The following MSRA variants were observed in gnomAD, a reference collection of about 807,000 sequenced individuals.
The protein encoded by MSRA is methionine sulfoxide reductase A, also known as mitochondrial peptide methionine sulfoxide reductase.
MSRA carries 54 observed loss-of-function variants against 31.3 expected under a neutral mutation model. That is an observed-to-expected ratio of 1.73 (90% CI 1.39 to 2.17). The LOEUF is 2.17. Ranked by LOEUF, MSRA falls within the 30% of genes most tolerant of loss-of-function variation. MSRA has a pLI of 0.00. For missense variants in MSRA, 507 were observed against 300.9 expected (o/e 1.69, Z -5.07); for synonymous variants, 169 against 116.5 (o/e 1.45, Z -2.90).
intron 1 of MSRA, among the ~76,000 whole-genome samples, chr8:10,057,961 A>T (rs1196427558): frequency 6.6e-6 from 1 of 152,228 alleles, no homozygotes; most frequent in Non-Finnish European, 1.5e-5. Context: ...TATTGGAAAC[A>T]TTGCTAATCT....
intron 3 of MSRA, among the ~76,000 whole-genome samples, chr8:10,267,084 G>T (rs1798785138): frequency 6.6e-6 from 1 of 152,124 alleles, no homozygotes; most frequent in African/African-American, 2.4e-5. Context: ...CCCCTTTAAT[G>T]CGAACCAACA....
intron 3 of MSRA, among the ~76,000 whole-genome samples, chr8:10,266,912 A>C (rs868722728): frequency 3.3e-5 from 5 of 152,204 alleles, no homozygotes; most frequent in Non-Finnish European, 7.4e-5. Flanking sequence ...TCACTCAATA[A>C]ACCCCTAAAG....
At chr8:10,298,407 C>A (rs1800658117) in intron 3 of MSRA, among the ~76,000 whole-genome samples, 1 of 151,966 alleles carries the variant, frequency 6.6e-6, no homozygotes, top group African/African-American at 2.4e-5. Flanking sequence ...TATAGGAAGT[C>A]CCTAGAGAAG....
chr8:10,224,259 G>A (rs1375392846), intron 2 of MSRA, among the ~76,000 whole-genome samples: 2 of 152,058 alleles, frequency 1.3e-5, no homozygotes, highest in African/African-American at 2.4e-5. Flanking sequence ...TTTTACAAAG[G>A]GCGTGAAGAA....
At chr8:10,295,877 G>A (rs1800512977) in intron 3 of MSRA, among the ~76,000 whole-genome samples, 1 of 152,230 alleles carries the variant, frequency 6.6e-6, no homozygotes, top group African/African-American at 2.4e-5. Flanking sequence ...GATGGGAAAC[G>A]GCCTCTCCAG....
At chr8:10,115,574 A>T (rs1800617013) in intron 1 of MSRA, among the ~76,000 whole-genome samples, 1 of 152,214 alleles carries the variant, frequency 6.6e-6, no homozygotes, top group Non-Finnish European at 1.5e-5. Flanking sequence ...CCTAGGGAAC[A>T]ATGCAGTGAC....
At chr8:10,208,885 C>T (rs981235379) in intron 2 of MSRA, among the ~76,000 whole-genome samples, 8 of 152,200 alleles carry the variant, frequency 5.3e-5, no homozygotes, top group African/African-American at 1.7e-4. Flanking sequence ...ACTTGAATTG[C>T]GTTTGAACTG....
intron 2 of MSRA, among the ~76,000 whole-genome samples, chr8:10,214,193 G>A (rs1809775765): frequency 1.3e-5 from 2 of 152,144 alleles, no homozygotes; most frequent in Admixed American, 1.3e-4. Context: ...CAGCTAAGGT[G>A]CCGAGTGTTC....
At chr8:10,380,855 C>A (rs1248438911) in intron 5 of MSRA, among the ~76,000 whole-genome samples, 1 of 145,812 alleles carries the variant, frequency 6.9e-6, no homozygotes, top group South Asian at 2.2e-4. Flanking sequence ...TGCTGGCTGG[C>A]TGGCTGGATG....
chr8:10,273,408 T>C (rs1363834910), intron 3 of MSRA, among the ~76,000 whole-genome samples: 1 of 152,196 alleles, frequency 6.6e-6, no homozygotes, highest in East Asian at 1.9e-4. Context: ...CAACTATGGA[T>C]AAGTTATCTG....
chr8:10,165,916 G>A (rs896747916), intron 1 of MSRA, among the ~76,000 whole-genome samples: 6 of 152,126 alleles, frequency 3.9e-5, no homozygotes, highest in Non-Finnish European at 7.4e-5. Flanking sequence ...GGAGGAAATC[G>A]AGGCACAGAG....
Position 10,233,168 on chromosome 8 carries a change from G to A in MSRA, c.212-11936G>A, listed in dbSNP as rs549448639. On this transcript the variant is annotated intron_variant, in intron 2 of 5. Coordinates refer to ENST00000317173, the MANE Select transcript of MSRA (RefSeq NM_012331.5). ...TTTATGCTTTAGTCCAGGCCCTCTG[G>A]GTTTTACCTGTTTCTTGTTGTAGCC... Among the ~76,000 whole-genome samples, 7 of 152,236 alleles carry A rather than the reference G, an allele frequency of 4.6e-5. No individual in the cohort carries two copies. The South Asian group carries it at 1.5e-3, about 32-fold the overall frequency.
chr8:10,220,290 G>A (rs1199150840), intron 2 of MSRA, among the ~76,000 whole-genome samples: 1 of 152,188 alleles, frequency 6.6e-6, no homozygotes, highest in African/African-American at 2.4e-5. Context: ...AGTGGTGCCT[G>A]CAGATGGATG....
intron 1 of MSRA, among the ~76,000 whole-genome samples, chr8:10,206,621 G>A (rs1809002344): frequency 6.6e-6 from 1 of 152,146 alleles, no homozygotes; most frequent in Non-Finnish European, 1.5e-5. Flanking sequence ...TCTGGCCCGG[G>A]AAGATGACTC....
At chr8:10,223,708 C>A (rs1177347425) in intron 2 of MSRA, among the ~76,000 whole-genome samples, 1 of 152,096 alleles carries the variant, frequency 6.6e-6, no homozygotes, top group African/African-American at 2.4e-5. Flanking sequence ...AAATAATGAC[C>A]ATAAATTTGA....
chr8:10,311,766 A>T (rs1251206708), intron 4 of MSRA, among the ~76,000 whole-genome samples: 1 of 152,104 alleles, frequency 6.6e-6, no homozygotes, highest in Non-Finnish European at 1.5e-5. Context: ...ATTTCAAAAA[A>T]ACTAGCTGGG....
intron 2 of MSRA, among the ~76,000 whole-genome samples, chr8:10,216,556 T>C (rs557041181): frequency 3.5e-4 from 53 of 152,316 alleles, no homozygotes; most frequent in Middle Eastern, 6.8e-3. Context: ...GGAAGCTCCA[T>C]AGACACTAAA....
chr8:10,300,856 T>C (rs1800806377), intron 3 of MSRA, among the ~76,000 whole-genome samples: 1 of 152,052 alleles, frequency 6.6e-6, no homozygotes, highest in Admixed American at 6.5e-5. Context: ...CCACCCCTGA[T>C]CCACCAAACC....
chr8:10,195,899 C>G (rs1020135717), intron 1 of MSRA, among the ~76,000 whole-genome samples: 1 of 152,228 alleles, frequency 6.6e-6, no homozygotes, highest in African/African-American at 2.4e-5. Context: ...TAGCCCTGAC[C>G]TTACCCTGCA....
Sources: allele counts gnomAD v4.1 joint callset (sites outside exome capture counted in the v4.1 genomes callset), GRCh38; gene constraint gnomAD v4.1.1; transcripts MANE v1.5; gene names NCBI Gene and HGNC (gene_info 2026-07-23, HGNC 2026-07-21).